Variants in VGLL4 observed in about 807,000 individuals in gnomAD.
The protein encoded by VGLL4 is vestigial like family member 4.
Under a neutral mutation model 21.0 loss-of-function variants are expected in VGLL4, and 7 were observed. The ratio of observed to expected loss-of-function variants is 0.33; its 90% confidence interval spans 0.19 to 0.63. VGLL4 has a LOEUF of 0.63. Ranked by LOEUF, VGLL4 falls within the 20% of genes least tolerant of loss-of-function variation. The probability of loss-of-function intolerance (pLI) is 0.78; values close to 1 mark genes in which losing one functional copy is unlikely to be tolerated. For synonymous variants in VGLL4, 222 were observed against 173.2 expected, an observed-to-expected ratio of 1.28 and a Z score of -2.21; for missense variants, 394 against 425.7, an observed-to-expected ratio of 0.93 and a Z score of 0.66.
intron 1 of VGLL4, among the ~76,000 whole-genome samples, chr3:11,617,041 T>A (rs1461144968): frequency 6.6e-6 from 1 of 151,488 alleles, no homozygotes; most frequent in Admixed American, 6.6e-5. Context: ...TTTTAAAATA[T>A]TAATTAATTT....
chr3:11,562,776 C>T (rs1559856785), intron 3 of VGLL4, among the ~76,000 whole-genome samples: 2 of 152,268 alleles, frequency 1.3e-5, no homozygotes, highest in Non-Finnish European at 2.9e-5. Context: ...CGGTCAGGGC[C>T]ACTGTGCCCT....
intron 2 of VGLL4, among the ~76,000 whole-genome samples, chr3:11,686,195 C>T (rs1181395085): frequency 6.6e-6 from 1 of 152,136 alleles, no homozygotes; most frequent in East Asian, 1.9e-4. Flanking sequence ...CCGAAAAGAA[C>T]TGAAAGCAGG....
chr3:11,602,148 G>T, intron 1 of VGLL4, 126 bp from the exon 2 acceptor site: 1 of 831,246 alleles, frequency 1.2e-6, no homozygotes, highest in Non-Finnish European at 1.7e-6. Context: ...TTGGCAATGG[G>T]ACGGGGCCGC....
At position 11,568,569 on chromosome 3, in the gene VGLL4, G is replaced by C; in HGVS notation, c.273-3550C>G. The C allele has an allele frequency of 3.2e-6, 5 of 1,554,412 alleles. No individual in the cohort carries two copies. Among genetic ancestry groups the C allele is most frequent in the Non-Finnish European group, 4.4e-6 (5 of 1,147,994 alleles). On this transcript the variant is annotated intron_variant, in intron 2 of 4. Coordinates refer to ENST00000430365, the MANE Select transcript of VGLL4 (RefSeq NM_001128219.3). This position sits in a 1 kb window ranked among gnomAD's most constrained non-coding sequence, Gnocchi z 5.9. ...ACAGCGAGAAAAGGCCTGGAGAACT[G>C]GCTGGTTAATTTTAGTAAAATTATA...
Position 11,651,552 on chromosome 3 carries a change from A to G in VGLL4, c.65-49530T>C, listed in dbSNP as rs1339226367. Among the ~76,000 whole-genome samples, 4 of 151,104 alleles carry G rather than the reference A, an allele frequency of 2.6e-5. No individual in the cohort carries two copies. In the Admixed American group the frequency reaches 2.7e-4, roughly 10 times the overall value. On this transcript the variant is annotated intron_variant, in intron 2 of 5. Coordinates refer to the VGLL4 transcript ENST00000273038. ...TAATCTCTTCATCCTGCATTATTTT[A>G]GGTTTATTCTATACTTCATTCTAAA...
chr3:11,718,503 T>G (rs544776635), intron 1 of VGLL4, among the ~76,000 whole-genome samples: 1 of 152,122 alleles, frequency 6.6e-6, no homozygotes, highest in Admixed American at 6.5e-5. Flanking sequence ...CAGGAAACAA[T>G]GAACAGTACA....
intron 1 of VGLL4, among the ~76,000 whole-genome samples, chr3:11,642,143 A>AGAAC: frequency 6.6e-6 from 1 of 152,364 alleles, no homozygotes; most frequent in East Asian, 1.9e-4. Flanking sequence ...AAGTGAGTTC[A>AGAAC]GAAGCAAGAT....
chr3:11,626,227 T>C (rs568894528), intron 1 of VGLL4: 2 of 400,876 alleles, frequency 5.0e-6, no homozygotes, highest in Non-Finnish European at 5.0e-6. Flanking sequence ...ACAACTGCAG[T>C]GGTAACCAAA....
At chr3:11,626,322 A>G (rs751202868) in intron 1 of VGLL4, 1 of 456,668 alleles carries the variant, frequency 2.2e-6, no homozygotes, top group South Asian at 1.5e-5. Flanking sequence ...GCAAGCACAC[A>G]AACAGACCAC....
intron 2 of VGLL4, among the ~76,000 whole-genome samples, chr3:11,694,591 C>T (rs1483108241): frequency 2.0e-5 from 3 of 151,310 alleles, no homozygotes; most frequent in African/African-American, 4.9e-5. Context: ...CACTGTACTC[C>T]AGCCTGGGCA....
intron 2 of VGLL4, among the ~76,000 whole-genome samples, chr3:11,668,732 G>A (rs896175366): frequency 2.6e-5 from 4 of 152,158 alleles, no homozygotes; most frequent in African/African-American, 4.8e-5. Context: ...CTGCTCACAC[G>A]CCAGGCTCTC....
At chr3:11,627,303 C>G (rs1001378872) in intron 1 of VGLL4, 7 of 151,864 alleles carry the variant, frequency 4.6e-5, no homozygotes, top group Non-Finnish European at 8.8e-5. Context: ...TGTGTCCAGG[C>G]GCAGTGGCTC....
chr3:11,677,373 G>T (rs1477351282), intron 2 of VGLL4, among the ~76,000 whole-genome samples: 1 of 151,802 alleles, frequency 6.6e-6, no homozygotes, highest in African/African-American at 2.4e-5. Context: ...CCAGACAAGT[G>T]ATCCTCCCAC....
At position 11,558,749 on chromosome 3, in the gene VGLL4, G is replaced by T; in HGVS notation, c.698C>A (p.Ala233Glu). The change falls in exon 5 of 5, where the codon GCA (alanine) becomes GAA (glutamate). Residue 233 changes from alanine to glutamate, a missense_variant. Coordinates refer to ENST00000430365, the MANE Select transcript of VGLL4 (RefSeq NM_001128219.3). ...LGKNYKEPEP[A>E]PNSVSITGSV... Reference sequence around the variant, plus strand: ...GCCCGTGATGGACACGGAGTTGGGTGCCGGCTCGGGCTCCTTGTAATTCTT... The same window carrying T: ...GCCCGTGATGGACACGGAGTTGGGTTCCGGCTCGGGCTCCTTGTAATTCTT... The T allele has an allele frequency of 6.2e-7, 1 of 1,614,176 alleles. No homozygotes were observed. Among genetic ancestry groups the T allele is most frequent in the Non-Finnish European group, 8.5e-7 (1 of 1,180,036 alleles).
intron 2 of VGLL4, among the ~76,000 whole-genome samples, chr3:11,688,911 G>A (rs115042631): frequency 0.01 from 1,543 of 152,068 alleles, 22 homozygotes; most frequent in African/African-American, 0.035. Context: ...CCAGCTACTC[G>A]GGAGGCTATG....
intron 2 of VGLL4, among the ~76,000 whole-genome samples, chr3:11,679,423 G>A (rs780299774): frequency 7.2e-5 from 11 of 151,998 alleles, no homozygotes; most frequent in Admixed American, 5.2e-4. Flanking sequence ...GGTAGCTCAC[G>A]CCTGTAATTC....
At chr3:11,592,638 A>G (rs1320517167) in intron 2 of VGLL4, among the ~76,000 whole-genome samples, 1 of 152,210 alleles carries the variant, frequency 6.6e-6, no homozygotes, top group African/African-American at 2.4e-5. Flanking sequence ...CGAATGATTC[A>G]TCGCAGTTGG....
At chr3:11,660,973 C>T (rs943048453) in intron 2 of VGLL4, among the ~76,000 whole-genome samples, 1 of 152,142 alleles carries the variant, frequency 6.6e-6, no homozygotes, top group Non-Finnish European at 1.5e-5. Flanking sequence ...GCCCATGATG[C>T]ATTTCAGTGT....
chr3:11,580,134 C>G (rs1396615881), intron 2 of VGLL4, among the ~76,000 whole-genome samples: 1 of 152,208 alleles, frequency 6.6e-6, no homozygotes, highest in Non-Finnish European at 1.5e-5. Context: ...GAACTTTTTC[C>G]TCTTCCCAAA....
Sources: allele counts gnomAD v4.1 joint callset (sites outside exome capture counted in the v4.1 genomes callset), GRCh38; gene constraint gnomAD v4.1.1; non-coding constraint Gnocchi (gnomAD v3.1); transcripts MANE v1.5; gene names NCBI Gene and HGNC (gene_info 2026-07-23, HGNC 2026-07-21).